IL1RAPL1: variants seen among roughly 807,000 people sequenced by gnomAD.
The protein encoded by IL1RAPL1 is interleukin 1 receptor accessory protein like 1, also known as interleukin-1 receptor accessory protein-like 1.
IL1RAPL1 carries 3 observed loss-of-function variants against 48.4 expected under a neutral mutation model. The observed-to-expected ratio is 0.06, with a 90% CI of 0.03 to 0.16. The LOEUF is 0.16. Among genes scored for constraint, IL1RAPL1 ranks in the 10% least tolerant of loss-of-function variants. The pLI, the probability that IL1RAPL1 is intolerant of heterozygous loss-of-function variation, is 1.00. For synonymous variants in IL1RAPL1, 185 were observed against 187.7 expected (o/e 0.99, Z 0.12); for missense variants, 349 against 530.6 (o/e 0.66, Z 3.36).
At chrX:29,951,522 G>C (rs762716599) in intron 9 of IL1RAPL1, among the ~76,000 whole-genome samples, 1 of 111,389 alleles carries the variant, frequency 9.0e-6, no homozygotes, top group African/African-American at 3.3e-5. Flanking sequence ...AATGGAAAGG[G>C]AAGACCACTC....
At chrX:28,865,466 G>C (rs1922057343) in intron 2 of IL1RAPL1, among the ~76,000 whole-genome samples, 1 of 109,765 alleles carries the variant, frequency 9.1e-6, no homozygotes, top group African/African-American at 3.3e-5. Context: ...TAAGAGTTCA[G>C]TTTTAACTGT....
intron 6 of IL1RAPL1, among the ~76,000 whole-genome samples, chrX:29,825,831 T>G (rs1364862297): frequency 8.9e-6 from 1 of 112,060 alleles, no homozygotes; most frequent in South Asian, 3.8e-4. Context: ...AAAATCATTT[T>G]AAAATCTAAA....
intron 2 of IL1RAPL1, among the ~76,000 whole-genome samples, chrX:28,936,137 C>G (rs1006824166): frequency 3.6e-5 from 4 of 111,324 alleles, no homozygotes; most frequent in African/African-American, 1.3e-4. Flanking sequence ...TTGATAGTCT[C>G]TATCCCTCAT....
chrX:29,014,169 C>T (rs994238002), intron 2 of IL1RAPL1, among the ~76,000 whole-genome samples: 6 of 111,236 alleles, frequency 5.4e-5, no homozygotes, highest in African/African-American at 2.0e-4. Context: ...TAGGTATGCG[C>T]CTTACAGTCC....
chrX:29,801,882 A>T (rs930223159), intron 6 of IL1RAPL1, among the ~76,000 whole-genome samples: 1 of 112,073 alleles, frequency 8.9e-6, no homozygotes, highest in African/African-American at 3.2e-5. Context: ...TAAAGTTTTT[A>T]TACCATATTT....
At chrX:29,021,214 GGAA>G (rs1389606949) in intron 2 of IL1RAPL1, among the ~76,000 whole-genome samples, 669 of 30,856 alleles carry the variant, frequency 0.022, 3 homozygotes, top group African/African-American at 0.092. Context: ...TCCGTCTCAA[GGAA>G]AAAAAAAAAA....
chrX:29,287,384 A>G (rs1384709754), intron 3 of IL1RAPL1, among the ~76,000 whole-genome samples: 3 of 112,300 alleles, frequency 2.7e-5, no homozygotes, highest in Non-Finnish European at 5.6e-5. Context: ...GGAAACTTCT[A>G]TGAACATTCA....
chrX:28,623,551 A>C, intron 1 of IL1RAPL1, among the ~76,000 whole-genome samples: 1 of 111,930 alleles, frequency 8.9e-6, no homozygotes, highest in Non-Finnish European at 1.9e-5. Context: ...TTTAAAGTGT[A>C]GCTTTATTAC....
intron 3 of IL1RAPL1, among the ~76,000 whole-genome samples, chrX:29,319,160 G>GTCTATCTA (rs200758095): frequency 0.094 from 8,020 of 84,918 alleles, 342 homozygotes; most frequent in Middle Eastern, 0.14. Flanking sequence ...CTATCTGTCT[G>GTCTATCTA]TCTATCTATC....
At chrX:29,214,636 A>G (rs1469610142) in intron 2 of IL1RAPL1, among the ~76,000 whole-genome samples, 2 of 111,777 alleles carry the variant, frequency 1.8e-5, no homozygotes, top group Non-Finnish European at 3.8e-5. Context: ...TCAGATATTA[A>G]GAGGATCATT....
At chrX:29,459,153 G>A (rs750039498) in intron 5 of IL1RAPL1, among the ~76,000 whole-genome samples, 3 of 112,160 alleles carry the variant, frequency 2.7e-5, no homozygotes, top group African/African-American at 9.7e-5. Context: ...CATTGAAGAG[G>A]TAGCACTTGC....
chrX:29,589,057 C>T lies in IL1RAPL1; in HGVS notation c.704-79373C>T, dbSNP rs1325672750. Among the ~76,000 whole-genome samples, 4 of 111,128 alleles carry T rather than the reference C, an allele frequency of 3.6e-5. No homozygotes were observed. The Admixed American group carries it at 3.8e-4, about 11-fold the overall frequency. ...ATGTTAAGAGTGCCGAATCTTAGGC[C>T]ACATTTATACTAAGTCAGAACCTGT... is the stretch of plus-strand genomic sequence containing the variant. On this transcript the variant is annotated intron_variant, in intron 5 of 10. Coordinates refer to ENST00000378993, the MANE Select transcript of IL1RAPL1 (RefSeq NM_014271.4).
At chrX:29,881,565 T>A (rs1051931612) in intron 6 of IL1RAPL1, among the ~76,000 whole-genome samples, 7 of 110,603 alleles carry the variant, frequency 6.3e-5, no homozygotes, top group Admixed American at 1.9e-4. Context: ...ATTTTTGTGG[T>A]GACATAGTAG....
intron 2 of IL1RAPL1, among the ~76,000 whole-genome samples, chrX:28,913,717 T>G (rs935794232): frequency 2.3e-4 from 26 of 110,946 alleles, no homozygotes; most frequent in African/African-American, 8.5e-4. Context: ...TAAAATAAAC[T>G]TAGGGAATTA....
chrX:29,642,482 A>T (rs1376448910), intron 5 of IL1RAPL1, among the ~76,000 whole-genome samples: 1 of 112,192 alleles, frequency 8.9e-6, no homozygotes, highest in East Asian at 2.8e-4. Flanking sequence ...CTTTTTTCAA[A>T]TCTCCTCAGT....
chrX:29,798,208 G>A (rs367670333), intron 6 of IL1RAPL1, among the ~76,000 whole-genome samples: 40 of 112,117 alleles, frequency 3.6e-4, no homozygotes, highest in East Asian at 2.5e-3. Context: ...TCGGTCTGCC[G>A]TGAGTGAGAT....
At chrX:29,198,996 T>C (rs923543507) in intron 2 of IL1RAPL1, among the ~76,000 whole-genome samples, 2 of 111,773 alleles carry the variant, frequency 1.8e-5, no homozygotes, top group African/African-American at 6.5e-5. Flanking sequence ...TTGGCTGCAT[T>C]CGGGAAAAAA....
At chrX:29,952,678 AAATAT>A (rs200615839) in intron 9 of IL1RAPL1, among the ~76,000 whole-genome samples, 20,131 of 111,458 alleles carry the variant, frequency 0.18, 1,416 homozygotes, top group Middle Eastern at 0.23. Flanking sequence ...TTTCTATAGC[AAATAT>A]AATAATTATT....
At chrX:29,041,439 AGC>A (rs1212208249) in intron 2 of IL1RAPL1, among the ~76,000 whole-genome samples, 1 of 111,930 alleles carries the variant, frequency 8.9e-6, no homozygotes, top group Non-Finnish European at 1.9e-5. Flanking sequence ...GCCTCTAAGG[AGC>A]TTATAGTCTA....
Sources: allele counts gnomAD v4.1 joint callset (sites outside exome capture counted in the v4.1 genomes callset), GRCh38; gene constraint gnomAD v4.1.1; transcripts MANE v1.5; gene names NCBI Gene and HGNC (gene_info 2026-07-23, HGNC 2026-07-21).